Variants in ZNF33A observed in about 807,000 individuals in gnomAD.
ZNF33A encodes the protein zinc finger protein 33A, also known as brain my041 protein.
Under a neutral mutation model 15.9 loss-of-function variants are expected in ZNF33A, and 9 were observed. The observed-to-expected ratio is 0.57, with a 90% CI of 0.34 to 0.99. The LOEUF is 0.99. Ranked by LOEUF, ZNF33A falls within the 50% of genes least tolerant of loss-of-function variation. The pLI is 0.02. For synonymous variants in ZNF33A, 294 were observed against 324.2 expected (o/e 0.91, Z 1.00); for missense variants, 843 against 941.6 (o/e 0.90, Z 1.37).
chr10:38,024,827 TG>T (rs1432110151), intron 4 of ZNF33A, among the ~76,000 whole-genome samples: 1 of 152,262 alleles, frequency 6.6e-6, no homozygotes, highest in East Asian at 1.9e-4. Context: ...GATGAAATTT[TG>T]CACTGTCCTG....
Position 38,010,818 on chromosome 10 carries a change from G to C in ZNF33A, c.-45+35G>C, listed in dbSNP as rs772702149. 2.3e-5 allele frequency: 37 copies of C among 1,596,492 alleles called. No individual in the cohort carries two copies. The African/African-American group carries it at 3.3e-4, about 14-fold the overall frequency. ...AGTGGGTTGGGCAGGGAGAGAGAGG[G>C]AGCCCCGCGCGACTCCTGGGGCGGG... is the stretch of plus-strand genomic sequence containing the variant. On this transcript the variant is annotated intron_variant, in intron 1 of 4. Coordinates refer to ENST00000432900, the MANE Select transcript of ZNF33A (RefSeq NM_006954.2).
chr10:38,030,040 C>G (rs2065145353), intron 4 of ZNF33A, among the ~76,000 whole-genome samples: 2 of 152,178 alleles, frequency 1.3e-5, no homozygotes, highest in South Asian at 4.1e-4. Flanking sequence ...TATACCCAGA[C>G]ACGTTATACT....
At chr10:38,047,190 C>CAAAAAA (rs61278605) in intron 4 of ZNF33A, among the ~76,000 whole-genome samples, 20 of 64,046 alleles carry the variant, frequency 3.1e-4, no homozygotes, top group Admixed American at 1.1e-3. Flanking sequence ...CCACCCCTGC[C>CAAAAAA]AAAAAAAAAA....
intron 4 of ZNF33A, among the ~76,000 whole-genome samples, chr10:38,052,731 T>G (rs2066262213): frequency 6.6e-6 from 1 of 152,124 alleles, no homozygotes; most frequent in African/African-American, 2.4e-5. Context: ...AGACTCAAAG[T>G]AAAAGTTTGC....
intron 4 of ZNF33A, chr10:38,039,392 T>C (rs1308093234): frequency 2.2e-6 from 1 of 444,784 alleles, no homozygotes; most frequent in South Asian, 1.6e-5. Context: ...CCAGCTAATT[T>C]TTTGTGTTTT....
At chr10:38,022,518 G>A (rs566777317) in intron 4 of ZNF33A, among the ~76,000 whole-genome samples, 1 of 152,096 alleles carries the variant, frequency 6.6e-6, no homozygotes, top group South Asian at 2.1e-4. Context: ...TTAGTCTGGT[G>A]TGGTGGTGCA....
chr10:38,045,682 C>T (rs2983324), intron 4 of ZNF33A, among the ~76,000 whole-genome samples: 9,117 of 152,288 alleles, frequency 0.06, 353 homozygotes, highest in Middle Eastern at 0.095. Context: ...TTCCCTTGCT[C>T]TCTCCAGTAA....
intron 2 of ZNF33A, among the ~76,000 whole-genome samples, chr10:38,015,366 G>A (rs1283810347): frequency 6.6e-6 from 1 of 151,902 alleles, no homozygotes; most frequent in Non-Finnish European, 1.5e-5. Context: ...GTGTAGTGGT[G>A]CTGACCTTGG....
At chr10:38,046,768 G>T (rs536014928) in intron 4 of ZNF33A, among the ~76,000 whole-genome samples, 130 of 152,054 alleles carry the variant, frequency 8.5e-4, no homozygotes, top group African/African-American at 3.0e-3. Flanking sequence ...GATTCCATAT[G>T]TTCTAAAACT....
chr10:38,065,234 G>C (rs992826395), downstream of ZNF33A: 1 of 152,044 alleles, frequency 6.6e-6, no homozygotes, highest in African/African-American at 2.4e-5. Flanking sequence ...TCGTGCCCTG[G>C]CTAATTTTTG....
At chr10:38,019,198 A>G (rs2064616139) in intron 4 of ZNF33A, among the ~76,000 whole-genome samples, 1 of 145,248 alleles carries the variant, frequency 6.9e-6, no homozygotes. Flanking sequence ...ATGTGTTCTC[A>G]TTGTTCAATT....
At chr10:38,018,128 T>C (rs368605825) in intron 4 of ZNF33A, among the ~76,000 whole-genome samples, 2 of 152,324 alleles carry the variant, frequency 1.3e-5, no homozygotes, top group African/African-American at 4.8e-5. Context: ...AAATAAATTA[T>C]GCCTCTAAGT....
intron 4 of ZNF33A, among the ~76,000 whole-genome samples, chr10:38,053,459 A>G (rs933310567): frequency 6.6e-6 from 1 of 152,032 alleles, no homozygotes; most frequent in Admixed American, 6.6e-5. Flanking sequence ...TTTGTGTCTT[A>G]CCCTTATGAC....
In ZNF33A at chr10:38,054,777, A is replaced by G. The variant is rs141412337; in HGVS notation, c.653A>G (p.Asn218Ser). The G allele has an allele frequency of 4.4e-5, 71 of 1,613,626 alleles. No homozygotes were observed. Among genetic ancestry groups the G allele is most frequent in the Non-Finnish European group, 5.9e-5 (70 of 1,179,968 alleles). Residue 218 changes from asparagine (N) to serine (S), a missense_variant, in exon 5 of 5, where the codon AAT becomes AGT. Physicochemically the swap from Asn to Ser is conservative, Grantham distance 46 (BLOSUM62 1). Transcript: ENST00000432900. Reference sequence around the variant, plus strand: ...GAGAAGATTCAAACTTTAGAGCACAATTTTGAATACAGTATATGTCAGGAA... The same window carrying G: ...GAGAAGATTCAAACTTTAGAGCACAGTTTTGAATACAGTATATGTCAGGAA... Reference protein sequence around the residue: ...QHEKIQTLEHNFEYSICQETL... With the variant: ...QHEKIQTLEHSFEYSICQETL...
chr10:38,029,683 A>G (rs1041527135), intron 4 of ZNF33A, among the ~76,000 whole-genome samples: 20 of 152,232 alleles, frequency 1.3e-4, no homozygotes, highest in Admixed American at 6.5e-5. Context: ...TGAGATCTGC[A>G]AAGAAACGGG....
chr10:38,063,754 A>G (rs2066683042), downstream of ZNF33A, among the ~76,000 whole-genome samples: 1 of 152,224 alleles, frequency 6.6e-6, no homozygotes, highest in South Asian at 2.1e-4. Flanking sequence ...TCTCTGCGTC[A>G]GTCTGCCTTC....
intron 4 of ZNF33A, among the ~76,000 whole-genome samples, chr10:38,026,070 T>C (rs2064973444): frequency 6.6e-6 from 1 of 152,218 alleles, no homozygotes; most frequent in Admixed American, 6.5e-5. Flanking sequence ...CATGATGCTT[T>C]CAGCTTTCAA....
At chr10:38,015,954 C>G (rs2064433574) in intron 2 of ZNF33A, 22 of 1,228,564 alleles carry the variant, frequency 1.8e-5, no homozygotes, top group Non-Finnish European at 2.2e-5. Flanking sequence ...CTTTGGCTCT[C>G]CCATTTTCAC....
chr10:38,043,721 C>T (rs2065818139), intron 4 of ZNF33A, among the ~76,000 whole-genome samples: 2 of 152,064 alleles, frequency 1.3e-5, no homozygotes, highest in Non-Finnish European at 1.5e-5. Flanking sequence ...GTCATCCTGC[C>T]TCCTTCTGGC....
Sources: gnomAD v4.1 joint callset for allele counts (sites outside exome capture counted in the v4.1 genomes callset) on GRCh38, gnomAD v4.1.1 for gene constraint, MANE v1.5 for transcripts, NCBI Gene and HGNC (gene_info 2026-07-23, HGNC 2026-07-21) for gene names.